HMGN5: variants seen among roughly 807,000 people sequenced by gnomAD.
The protein encoded by HMGN5 is high mobility group nucleosome-binding domain-containing protein 5.
HMGN5 carries 4 observed loss-of-function variants against 9.5 expected under a neutral mutation model. The observed-to-expected ratio is 0.42, with a 90% confidence interval of 0.21 to 0.96. The LOEUF is 0.96. HMGN5 is among the 40% of genes least tolerant of loss of function. HMGN5 has a pLI of 0.30. For synonymous variants in HMGN5, 55 were observed against 57.1 expected (o/e 0.96, Z 0.16); for missense variants, 192 against 187.5 (o/e 1.02, Z -0.14).
At chrX:81,139,211 C>T (rs1293148574) in intron 1 of HMGN5, among the ~76,000 whole-genome samples, 1 of 112,407 alleles carries the variant, frequency 8.9e-6, no homozygotes, top group African/African-American at 3.2e-5. Context: ...CACTTCATAT[C>T]ATGTTAAGGT....
intron 1 of HMGN5, among the ~76,000 whole-genome samples, chrX:81,158,932 G>A (rs149990622): frequency 0.018 from 2,006 of 111,408 alleles, 38 homozygotes; most frequent in African/African-American, 0.061. Flanking sequence ...ATACATGCAC[G>A]TGTATGTTCA....
chrX:81,164,366 T>C (rs1211043513), intron 1 of HMGN5, among the ~76,000 whole-genome samples: 1 of 111,373 alleles, frequency 9.0e-6, no homozygotes, highest in African/African-American at 3.3e-5. Context: ...TCCTTCCTAA[T>C]GCATGCTAGC....
At chrX:81,161,289 G>A (rs2075397215) in intron 1 of HMGN5, among the ~76,000 whole-genome samples, 1 of 110,974 alleles carries the variant, frequency 9.0e-6, no homozygotes, top group South Asian at 3.7e-4. Flanking sequence ...ACAGGTAGGA[G>A]TTCTGGCCCA....
intron 3 of HMGN5, among the ~76,000 whole-genome samples, chrX:81,119,253 C>T: frequency 9.0e-6 from 1 of 111,339 alleles, no homozygotes; most frequent in Middle Eastern, 4.7e-3. Context: ...ATTAACAAGG[C>T]CATAAAGGTA....
chrX:81,134,970 A>G (rs981791051), intron 1 of HMGN5, among the ~76,000 whole-genome samples: 3 of 111,780 alleles, frequency 2.7e-5, no homozygotes, highest in African/African-American at 9.7e-5. Context: ...ACAAAAAATC[A>G]ACTCAAAATA....
In HMGN5 at chrX:81,178,067, G is replaced by A. The variant is rs764676581; in HGVS notation, c.-124+23670C>T. Among the ~76,000 whole-genome samples, 4 of 111,906 alleles carry A rather than the reference G, an allele frequency of 3.6e-5. No individual in the cohort carries two copies. The South Asian group carries it at 1.5e-3, about 42-fold the overall frequency. On this transcript the variant is annotated intron_variant, in intron 1 of 6. Transcript: ENST00000358130. The stretch of plus-strand genomic sequence containing the variant: ...ATCTCTGGGACACTTTTAAAGCAGT[G>A]TGTAGAGGAAAATTTATAGCACTAA...
intron 1 of HMGN5, among the ~76,000 whole-genome samples, chrX:81,168,947 G>A (rs911593295): frequency 9.0e-6 from 1 of 110,780 alleles, no homozygotes; most frequent in African/African-American, 3.3e-5. Flanking sequence ...GAGAGAGTTA[G>A]AAATGAGATT....
intron 1 of HMGN5, among the ~76,000 whole-genome samples, chrX:81,145,571 C>T (rs954588241): frequency 4.5e-5 from 5 of 111,784 alleles, no homozygotes; most frequent in Non-Finnish European, 9.4e-5. Context: ...AGACCATCGA[C>T]GCTATGAAGA....
intron 1 of HMGN5, among the ~76,000 whole-genome samples, chrX:81,167,864 A>G (rs1263614853): frequency 9.0e-6 from 1 of 111,482 alleles, no homozygotes; most frequent in Non-Finnish European, 1.9e-5. Flanking sequence ...CCTAGAACTA[A>G]TTTAGACCTG....
At chrX:81,154,834 G>T (rs2075378354) in intron 1 of HMGN5, among the ~76,000 whole-genome samples, 1 of 109,522 alleles carries the variant, frequency 9.1e-6, no homozygotes, top group Admixed American at 9.9e-5. Flanking sequence ...TTTCACCTCA[G>T]TTAAAATGGC....
At chrX:81,126,906 T>G (rs1034804628) in intron 1 of HMGN5, among the ~76,000 whole-genome samples, 1 of 111,562 alleles carries the variant, frequency 9.0e-6, no homozygotes, top group East Asian at 2.8e-4. Flanking sequence ...CTTAGAAAAT[T>G]TCTAGGGTAT....
intron 1 of HMGN5, among the ~76,000 whole-genome samples, chrX:81,162,914 T>C (rs937721903): frequency 9.0e-6 from 1 of 111,507 alleles, no homozygotes; most frequent in African/African-American, 3.3e-5. Context: ...ATGACTACAC[T>C]GTATATCTCC....
At chrX:81,155,806 C>T (rs995305977) in intron 1 of HMGN5, among the ~76,000 whole-genome samples, 2 of 111,621 alleles carry the variant, frequency 1.8e-5, no homozygotes, top group African/African-American at 3.3e-5. Flanking sequence ...ATAATGGATC[C>T]TTGTCATAAT....
intron 1 of HMGN5, among the ~76,000 whole-genome samples, chrX:81,162,362 GA>G (rs199803467): frequency 0.027 from 1,550 of 57,382 alleles, 33 homozygotes; most frequent in African/African-American, 0.075. Context: ...AAAACAAACT[GA>G]AAAAAAAAAA....
chrX:81,189,682 G>T (rs1290909231), intron 1 of HMGN5, among the ~76,000 whole-genome samples: 1 of 112,184 alleles, frequency 8.9e-6, no homozygotes, highest in Non-Finnish European at 1.9e-5. Context: ...GAATAAAGCT[G>T]CTATAAACAT....
rs371953666 is a variant in HMGN5, at chrX:81,167,453, TACACAC to T, written c.-124+34278_-124+34283del. On this transcript the variant is annotated intron_variant, in intron 1 of 6. Transcript: ENST00000358130. The stretch of plus-strand genomic sequence containing the variant: ...GCTTTATCCAGCAAACATATTTGTG[TACACAC>T]ACACACACACACACACACACACACA... Among the ~76,000 whole-genome samples the T allele has an allele frequency of 6.1e-3, 630 of 102,906 alleles. 4 individuals carry two copies. The highest frequency in any genetic ancestry group is 0.02 in the African/African-American group (578 of 28,617). The allele number at this position is 102,906 out of a possible 115,157, so 89.4% of individuals were successfully genotyped here.
intron 1 of HMGN5, among the ~76,000 whole-genome samples, chrX:81,143,316 C>G (rs1253780590): frequency 9.0e-6 from 1 of 111,599 alleles, no homozygotes; most frequent in South Asian, 3.8e-4. Flanking sequence ...GGACTAAACT[C>G]TCCCATCAAA....
chrX:81,121,551 G>A lies in HMGN5; in HGVS notation c.-2C>T, dbSNP rs2075268512. The stretch of plus-strand genomic sequence containing the variant: ...TTCACTTACCTTTCTTTTGGGCATT[G>A]TTGTAGCTCTCTATAGGAGATCTTA... On this transcript the variant is annotated 5_prime_UTR_variant, in exon 2 of 7. Transcript: ENST00000358130. The A allele has an allele frequency of 8.3e-7, 1 of 1,198,174 alleles. No individual in the cohort carries two copies. The highest frequency in any genetic ancestry group is 1.8e-5 in the African/African-American group (1 of 57,095).
Position 81,114,767 on chromosome X carries a change from C to T in HMGN5, c.731G>A (p.Gly244Glu). Residue 244 changes from glycine (G) to glutamate (E), a missense_variant, in exon 7 of 7, where the codon GGA becomes GAA. By Grantham distance (98) the Gly-to-Glu change is moderately conservative. Transcript: ENST00000358130. ...EREDGKEDEG[G>E]NEEEAGKEKE... ...CTCTTTTCCAGCTTCTTCCTCATTT[C>T]CACCTTCATCTTCTTTTCCATCTTC... 8.6e-7 allele frequency: 1 copy of T among 1,162,170 alleles called. No homozygotes were observed. The highest frequency in any genetic ancestry group is 1.9e-5 in the South Asian group (1 of 51,438).
Sources: gnomAD v4.1 joint callset for allele counts (sites outside exome capture counted in the v4.1 genomes callset) on GRCh38, gnomAD v4.1.1 for gene constraint, MANE v1.5 for transcripts, NCBI Gene and HGNC (gene_info 2026-07-23, HGNC 2026-07-21) for gene names.